PGM2: variants seen among roughly 807,000 people sequenced by gnomAD.
PGM2 encodes phosphoglucomutase 2.
PGM2 carries 57 observed loss-of-function variants against 74.6 expected under a neutral mutation model. The observed-to-expected ratio is 0.76, with a 90% CI of 0.62 to 0.95. PGM2 has a LOEUF of 0.95. Among genes scored for constraint, PGM2 ranks in the 40% least tolerant of loss-of-function variants. The pLI, the probability that PGM2 is intolerant of heterozygous loss-of-function variation, is 0.00. For synonymous variants in PGM2, 273 were observed against 260.7 expected (o/e 1.05, Z -0.46); for missense variants, 706 against 741.9 (o/e 0.95, Z 0.56).
chr4:37,843,967 G>A lies in PGM2; in HGVS notation c.720-397G>A, dbSNP rs143382675. The stretch of plus-strand genomic sequence containing the variant: ...AAAATCATTTCTGAAGCTGATAAAA[G>A]ACATTTGGGAACCTGTCGCTTTGGG... On this transcript the variant is annotated intron_variant, in intron 6 of 13. Transcript: ENST00000381967. Among the ~76,000 whole-genome samples the A allele has an allele frequency of 6.4e-4, 97 of 152,266 alleles. 1 individual carries two copies. The East Asian group carries it at 0.015, about 24-fold the overall frequency.
Position 37,861,504 on chromosome 4 carries a change from T to G in PGM2, c.1737-6T>G, listed in dbSNP as rs777837037. 24 of 1,597,984 alleles carry G rather than the reference T, an allele frequency of 1.5e-5. 1 individual carries two copies. Among genetic ancestry groups the G allele is most frequent in the Non-Finnish European group, 2.0e-5 (23 of 1,165,898 alleles). On this transcript the variant is annotated splice_polypyrimidine_tract_variant and splice_region_variant and intron_variant, in intron 13 of 13. Coordinates refer to ENST00000381967, the MANE Select transcript of PGM2 (RefSeq NM_018290.4). ...GACCTGGATTTTTTTCCCCCTTATT[T>G]TCCAGTGATCCTGAGCAGCTGAAGA...
chr4:37,834,950 G>T (rs1378833516), intron 3 of PGM2, among the ~76,000 whole-genome samples: 1 of 152,122 alleles, frequency 6.6e-6, no homozygotes, highest in East Asian at 1.9e-4. Context: ...CTAAAAGAAA[G>T]AAATTTCTTA....
At chr4:37,852,217 T>G (rs1254081547) in intron 12 of PGM2, among the ~76,000 whole-genome samples, 1 of 149,488 alleles carries the variant, frequency 6.7e-6, no homozygotes, top group Non-Finnish European at 1.5e-5. Context: ...CCTCCTGCCT[T>G]AGCCTCCCAA....
At chr4:37,849,295 G>A (rs1162681734) in intron 11 of PGM2, among the ~76,000 whole-genome samples, 1 of 151,758 alleles carries the variant, frequency 6.6e-6, no homozygotes, top group Non-Finnish European at 1.5e-5. Context: ...AGTGTAGTGC[G>A]TAAGCATCCA....
At chr4:37,852,997 G>A (rs191864860) in intron 12 of PGM2, among the ~76,000 whole-genome samples, 45 of 152,168 alleles carry the variant, frequency 3.0e-4, no homozygotes, top group Middle Eastern at 3.4e-3. Context: ...TTTGTTTCTT[G>A]AAGAGCTCTT....
chr4:37,837,704 G>T lies in PGM2; in HGVS notation c.441+91G>T, dbSNP rs1372492013. The T allele has an allele frequency of 1.3e-5, 11 of 824,460 alleles. No individual in the cohort carries two copies. In the East Asian group the frequency reaches 2.7e-4, roughly 20 times the overall value. The allele number at this position is 824,460 out of a possible 1,614,324, so 51.1% of individuals were successfully genotyped here. ...ATAGTCTTTAGGGCTATTGGGATTGGACTGTTTGAATGACAGAGGAGTTCC... is the reference window on the plus strand; with the variant it reads ...ATAGTCTTTAGGGCTATTGGGATTGTACTGTTTGAATGACAGAGGAGTTCC... On this transcript the variant is annotated intron_variant, in intron 4 of 13. Coordinates refer to ENST00000381967, the MANE Select transcript of PGM2 (RefSeq NM_018290.4).
At position 37,829,657 on chromosome 4, in the gene PGM2, C is replaced by T. The variant is rs556184903; in HGVS notation, c.82-307C>T. Reference sequence around the variant, plus strand: ...AGAATTTGAGAACTGGAATAATCTGCGCAAGCACCTAGAGTTGGCAAGTGG... The same window carrying T: ...AGAATTTGAGAACTGGAATAATCTGTGCAAGCACCTAGAGTTGGCAAGTGG... On this transcript the variant is annotated intron_variant, in intron 1 of 13. Coordinates refer to ENST00000381967, the MANE Select transcript of PGM2 (RefSeq NM_018290.4). Among the ~76,000 whole-genome samples, 31 of 152,200 alleles carry T rather than the reference C, an allele frequency of 2.0e-4. 1 individual carries two copies. In the Middle Eastern group the frequency reaches 0.01, roughly 50 times the overall value.
At chr4:37,849,989 T>C (rs543313078) in intron 11 of PGM2, among the ~76,000 whole-genome samples, 195 bp from the exon 12 acceptor site, 87 of 151,992 alleles carry the variant, frequency 5.7e-4, no homozygotes, top group African/African-American at 1.9e-3. Context: ...GGTTTCTCAA[T>C]GTTGGCCAGG....
chr4:37,843,068 C>T (rs865842862), intron 6 of PGM2, among the ~76,000 whole-genome samples: 11 of 152,288 alleles, frequency 7.2e-5, no homozygotes, highest in African/African-American at 2.6e-4. Flanking sequence ...TAATAGCCAG[C>T]AGTCACACAG....
At chr4:37,858,977 A>G (rs1711663769) in intron 13 of PGM2, among the ~76,000 whole-genome samples, 1 of 152,178 alleles carries the variant, frequency 6.6e-6, no homozygotes, top group East Asian at 1.9e-4. Context: ...ATTTGCAGAC[A>G]TGTGATTTCT....
chr4:37,834,046 G>A (rs150171585), intron 2 of PGM2, among the ~76,000 whole-genome samples: 3 of 152,102 alleles, frequency 2.0e-5, no homozygotes, highest in Non-Finnish European at 4.4e-5. Flanking sequence ...TATAAAATGG[G>A]TTTTCTGGTC....
At chr4:37,827,902 C>T (rs1468477905) in intron 1 of PGM2, among the ~76,000 whole-genome samples, 1 of 152,174 alleles carries the variant, frequency 6.6e-6, no homozygotes, top group Non-Finnish European at 1.5e-5. Context: ...TGCACTGGAC[C>T]TCCATAAATT....
At chr4:37,842,758 T>G (rs1725766227) in intron 6 of PGM2, among the ~76,000 whole-genome samples, 1 of 152,100 alleles carries the variant, frequency 6.6e-6, no homozygotes, top group Non-Finnish European at 1.5e-5. Flanking sequence ...CCTCCCAGAT[T>G]CAGGGAATGC....
chr4:37,850,718 C>T (rs780763513), intron 12 of PGM2, among the ~76,000 whole-genome samples: 2 of 151,560 alleles, frequency 1.3e-5, no homozygotes, highest in African/African-American at 2.4e-5. Flanking sequence ...AGGCTGGGAG[C>T]GGTGGCTCAC....
intron 1 of PGM2, among the ~76,000 whole-genome samples, chr4:37,829,505 C>A (rs972239152): frequency 6.6e-6 from 1 of 152,168 alleles, no homozygotes; most frequent in African/African-American, 2.4e-5. Context: ...AAAAAATGGA[C>A]ATTTAATCAC....
intron 12 of PGM2, 125 bp from the exon 13 acceptor site, chr4:37,855,483 C>T (rs766312659): frequency 2.0e-5 from 16 of 794,688 alleles, no homozygotes; most frequent in Non-Finnish European, 2.9e-5. Context: ...TGATTTCCTC[C>T]AGAATGTTTT....
intron 3 of PGM2, among the ~76,000 whole-genome samples, chr4:37,835,048 C>T (rs1389581634): frequency 6.6e-6 from 1 of 152,202 alleles, no homozygotes; most frequent in Non-Finnish European, 1.5e-5. Flanking sequence ...CCCCTTCCCT[C>T]TCTTGAACGC....
intron 1 of PGM2, 101 bp downstream of exon 1, chr4:37,826,914 C>G (rs1248522925): frequency 1.5e-6 from 1 of 682,914 alleles, no homozygotes; most frequent in Non-Finnish European, 2.4e-6. Flanking sequence ...CCTTCCCGCC[C>G]AGTGCATCCC....
intron 13 of PGM2, among the ~76,000 whole-genome samples, 158 bp from the exon 14 acceptor site, chr4:37,861,352 T>C (rs1303785301): frequency 6.6e-6 from 1 of 152,168 alleles, no homozygotes; most frequent in Middle Eastern, 3.2e-3. Context: ...AGTCAATAGA[T>C]GTGTTCCATG....
Sources: allele counts gnomAD v4.1 joint callset (sites outside exome capture counted in the v4.1 genomes callset), GRCh38; gene constraint gnomAD v4.1.1; transcripts MANE v1.5; gene names NCBI Gene and HGNC (gene_info 2026-07-23, HGNC 2026-07-21).